ADK: variants seen among roughly 807,000 people sequenced by gnomAD.
ADK encodes N6,N6-dimethyladenosine kinase.
A neutral mutation model predicts 44.7 loss-of-function variants in ADK; 24 were observed. The ratio of observed to expected loss-of-function variants is 0.54; its 90% CI spans 0.39 to 0.76. ADK has a LOEUF of 0.76. Ranked by LOEUF, ADK falls within the 30% of genes least tolerant of loss-of-function variation. The probability of loss-of-function intolerance (pLI) is 0.00; values close to 1 mark genes in which losing one functional copy is unlikely to be tolerated. For missense variants in ADK, 321 were observed against 425.1 expected (o/e 0.76, Z 2.15); for synonymous variants, 128 against 142.6 (o/e 0.90, Z 0.73).
intron 10 of ADK, among the ~76,000 whole-genome samples, chr10:74,674,215 TAAC>T (rs1855297494): frequency 6.6e-6 from 1 of 152,218 alleles, no homozygotes; most frequent in Non-Finnish European, 1.5e-5. Flanking sequence ...AGCACCCATC[TAAC>T]AACTGATGCA....
At chr10:74,203,286 A>C (rs538421748) in intron 2 of ADK, among the ~76,000 whole-genome samples, 1 of 152,126 alleles carries the variant, frequency 6.6e-6, no homozygotes, top group Non-Finnish European at 1.5e-5. Flanking sequence ...TCTGGACTCC[A>C]TTCTATTCCA....
At chr10:74,480,478 T>A (rs1225755765) in intron 6 of ADK, among the ~76,000 whole-genome samples, 7 of 152,020 alleles carry the variant, frequency 4.6e-5, no homozygotes, top group African/African-American at 1.7e-4. Context: ...GGGATCCTGC[T>A]ATGTTGCCCA....
intron 1 of ADK, among the ~76,000 whole-genome samples, chr10:74,181,678 A>C (rs908126930): frequency 6.6e-6 from 1 of 152,176 alleles, no homozygotes; most frequent in Non-Finnish European, 1.5e-5. Flanking sequence ...ACTTAGACCT[A>C]GTGGTAGAGC....
intron 10 of ADK, among the ~76,000 whole-genome samples, chr10:74,686,655 CT>C (rs1564852224): frequency 1.3e-5 from 2 of 152,114 alleles, no homozygotes; most frequent in Admixed American, 1.3e-4. Context: ...AGTTAATTCT[CT>C]TTTTTGTTTG....
chr10:74,215,866 C>T (rs189227826), intron 2 of ADK, among the ~76,000 whole-genome samples: 2 of 151,234 alleles, frequency 1.3e-5, no homozygotes, highest in Admixed American at 1.3e-4. Context: ...CCATGTTAAC[C>T]AGGATGGTCT....
intron 6 of ADK, among the ~76,000 whole-genome samples, chr10:74,443,793 G>A (rs900128256): frequency 6.6e-6 from 1 of 152,060 alleles, no homozygotes; most frequent in African/African-American, 2.4e-5. Flanking sequence ...AAGCATCCAA[G>A]GAGATTAATA....
intron 3 of ADK, among the ~76,000 whole-genome samples, chr10:74,246,633 A>C (rs894235360): frequency 6.6e-6 from 1 of 152,202 alleles, no homozygotes; most frequent in Non-Finnish European, 1.5e-5. Context: ...AATATTGAAA[A>C]TTGTCCTGTT....
At chr10:74,328,962 C>A (rs1564656455) in intron 4 of ADK, among the ~76,000 whole-genome samples, 1 of 151,666 alleles carries the variant, frequency 6.6e-6, no homozygotes, top group Non-Finnish European at 1.5e-5. Context: ...CTAATTGTGA[C>A]AAGTTAATGG....
At chr10:74,266,056 T>A (rs1457725103) in intron 3 of ADK, among the ~76,000 whole-genome samples, 14 of 152,052 alleles carry the variant, frequency 9.2e-5, no homozygotes, top group Non-Finnish European at 1.5e-5. Context: ...GATGTGTTGA[T>A]GTGTATGTAT....
At chr10:74,565,221 A>G (rs1268116053) in intron 7 of ADK, among the ~76,000 whole-genome samples, 1 of 152,200 alleles carries the variant, frequency 6.6e-6, no homozygotes, top group Non-Finnish European at 1.5e-5. Flanking sequence ...TAGTCAAGTC[A>G]CAAATCTTCT....
At chr10:74,261,795 C>T (rs1846045702) in intron 3 of ADK, among the ~76,000 whole-genome samples, 1 of 151,726 alleles carries the variant, frequency 6.6e-6, no homozygotes, top group Admixed American at 6.6e-5. Context: ...TCTCCTCTTT[C>T]CTCCTGGTAT....
chr10:74,210,030 A>T (rs139608669), intron 2 of ADK, among the ~76,000 whole-genome samples: 88 of 152,278 alleles, frequency 5.8e-4, no homozygotes, highest in African/African-American at 1.9e-3. Context: ...ATCAGTAGAA[A>T]TGAAAATACT....
intron 4 of ADK, among the ~76,000 whole-genome samples, chr10:74,368,375 CTGAGAT>C (rs1842558972): frequency 6.6e-6 from 1 of 151,670 alleles, no homozygotes; most frequent in South Asian, 2.1e-4. Flanking sequence ...CCACAAAGTA[CTGAGAT>C]TAGAGATGTG....
In ADK at chr10:74,376,777, C is replaced by CTTT. The variant is rs35675013; in HGVS notation, c.274-17350_274-17348dup. Reference sequence around the variant, plus strand: ...TTATTACTGCTTTTCTCTCTCTCGTCTTTTTTTTTTTTTTTTAATACTGTC... The same window carrying CTTT: ...TTATTACTGCTTTTCTCTCTCTCGTCTTTTTTTTTTTTTTTTTTTAATACTGTC... On this transcript the variant is annotated intron_variant, in intron 4 of 10. Coordinates refer to ENST00000539909, the MANE Select transcript of ADK (RefSeq NM_006721.4). Among the ~76,000 whole-genome samples the CTTT allele has an allele frequency of 4.9e-3, 668 of 135,362 alleles. 8 individuals are homozygous for CTTT. Among genetic ancestry groups the CTTT allele is most frequent in the African/African-American group, 0.017 (597 of 35,808 alleles). The allele number at this position is 135,362 out of a possible 152,430, so 88.8% of individuals were successfully genotyped here. A position where few individuals can be genotyped will look rare whatever the true frequency, so the allele number is the denominator to read the frequency against.
In ADK at chr10:74,558,581, A is replaced by G. The variant is rs144466280; in HGVS notation, c.727-30701A>G. On this transcript the variant is annotated intron_variant, in intron 7 of 10. Transcript: ENST00000539909. ...CCTTGCTTCTCCTTCACCTTCAGCC[A>G]TGATTATAAGTTTCCTGAGGCCTCC... Among the ~76,000 whole-genome samples, 847 of 152,314 alleles carry G rather than the reference A, an allele frequency of 5.6e-3. 10 individuals carry two copies. Among genetic ancestry groups the G allele is most frequent in the African/African-American group, 0.019 (776 of 41,564 alleles).
rs545000403 is a variant in ADK, at chr10:74,330,739, G to T, written c.273+15994G>T. ...TTCCAGCGGCAACCAGCACCAATAT[G>T]TTGGCCTTGTGAGTGCAGCCAGCTC... On this transcript the variant is annotated intron_variant, in intron 4 of 10. Coordinates refer to ENST00000539909, the MANE Select transcript of ADK (RefSeq NM_006721.4). Among the ~76,000 whole-genome samples, 5 of 152,304 alleles carry T rather than the reference G, an allele frequency of 3.3e-5. No homozygotes were observed. The South Asian group carries it at 1.0e-3, about 32-fold the overall frequency.
At chr10:74,470,263 G>T (rs1049110786) in intron 6 of ADK, among the ~76,000 whole-genome samples, 1 of 152,018 alleles carries the variant, frequency 6.6e-6, no homozygotes, top group Admixed American at 6.6e-5. Flanking sequence ...GACCTCAGGT[G>T]ATCCGCCTTC....
intron 3 of ADK, among the ~76,000 whole-genome samples, chr10:74,293,352 T>G (rs1034041427): frequency 6.6e-6 from 1 of 152,110 alleles, no homozygotes; most frequent in African/African-American, 2.4e-5. Flanking sequence ...ATAAAAAGAA[T>G]GAAACATGAG....
chr10:74,704,379 G>A (rs1391221637), intron 10 of ADK, among the ~76,000 whole-genome samples: 1 of 152,138 alleles, frequency 6.6e-6, no homozygotes, highest in East Asian at 1.9e-4. Context: ...TCTTGGGGAT[G>A]TTTACTTCCA....
Sources: gnomAD v4.1 joint callset for allele counts (sites outside exome capture counted in the v4.1 genomes callset) on GRCh38, gnomAD v4.1.1 for gene constraint, MANE v1.5 for transcripts, NCBI Gene and HGNC (gene_info 2026-07-23, HGNC 2026-07-21) for gene names.